The following TMCO6 variants were observed in gnomAD, a reference collection of about 807,000 sequenced individuals.
The protein encoded by TMCO6 is transmembrane and coiled-coil domain-containing protein 6.
In TMCO6, 47 loss-of-function variants were observed where a neutral mutation model predicts 61.8. The observed-to-expected ratio is 0.76, with a 90% CI of 0.60 to 0.97. TMCO6 has a LOEUF of 0.97. TMCO6 is among the 50% of genes least tolerant of loss of function. TMCO6 has a pLI of 0.00. For synonymous variants in TMCO6, 261 were observed against 254.2 expected (o/e 1.03, Z -0.25); for missense variants, 557 against 601.6 (o/e 0.93, Z 0.78).
At chr5:140,622,027 C>T in the TMCO6 span, among the ~76,000 whole-genome samples, 1 of 152,326 alleles carries the variant, frequency 6.6e-6, no homozygotes, top group African/African-American at 2.4e-5. Flanking sequence ...TGATCTCACC[C>T]TGCCTCCACT....
chr5:140,647,721 T>C (rs996387742), downstream of TMCO6: 3 of 1,320,912 alleles, frequency 2.3e-6, no homozygotes, highest in African/African-American at 1.5e-5. Flanking sequence ...TATAAAAGTA[T>C]TGTAGGACCG....
the TMCO6 span, among the ~76,000 whole-genome samples, chr5:140,612,513 G>A: frequency 6.6e-6 from 1 of 152,034 alleles, no homozygotes; most frequent in Non-Finnish European, 1.5e-5. Flanking sequence ...CTCATTTTTT[G>A]TATTGTTAGT....
chr5:140,644,309 T>C (rs562701560), intron 10 of TMCO6, 115 bp downstream of exon 10: 2 of 1,196,388 alleles, frequency 1.7e-6, no homozygotes, highest in East Asian at 4.7e-5. Context: ...GTGTGTGGCC[T>C]CAGGGCCCAA....
Position 140,642,363 on chromosome 5 carries a change from G to T in TMCO6, c.547G>T (p.Val183Leu). 6.2e-7 allele frequency: 1 copy of T among 1,613,910 alleles called. No homozygotes were observed. Among genetic ancestry groups the T allele is most frequent in the Non-Finnish European group, 8.5e-7 (1 of 1,179,904 alleles). The change falls in exon 5 of 12, where the codon GTG becomes TTG. Residue 183 changes from valine (V) to leucine (L), a missense_variant. Val to Leu is a conservative substitution (Grantham distance 32). Transcript: ENST00000394671. ...TAACCTGATCGTGGAGAGTGAGGCTGTGAGAAGGCAGCTCCTGCCACAGGG... is the reference window on the plus strand; with the variant it reads ...TAACCTGATCGTGGAGAGTGAGGCTTTGAGAAGGCAGCTCCTGCCACAGGG... Reference protein sequence around the residue: ...LGNLIVESEAVRRQLLPQGIV... With the variant: ...LGNLIVESEALRRQLLPQGIV...
At chr5:140,634,649 C>G (rs1250365438), upstream of TMCO6, among the ~76,000 whole-genome samples, 1 of 151,922 alleles carries the variant, frequency 6.6e-6, no homozygotes, top group African/African-American at 2.4e-5. Context: ...CCATGCCCGG[C>G]TAATTTTTGT....
chr5:140,647,149 G>T (rs2149802719), downstream of TMCO6: 1 of 1,214,268 alleles, frequency 8.2e-7, no homozygotes, highest in East Asian at 2.5e-5. Context: ...GCTAAAGTCC[G>T]AGTTCTAGTT....
the TMCO6 span, among the ~76,000 whole-genome samples, chr5:140,616,629 A>G: frequency 1.3e-5 from 2 of 152,252 alleles, no homozygotes; most frequent in Non-Finnish European, 2.9e-5. Flanking sequence ...CAATCAGCAG[A>G]GTAAAAACGC....
rs1208092372 is a variant in TMCO6 at position 140,641,674 on chromosome 5, T to G, written c.208T>G (p.Phe70Val). 9 of 1,613,836 alleles carry G rather than the reference T, an allele frequency of 5.6e-6. No homozygotes were observed. In the South Asian group the frequency reaches 9.9e-5, roughly 18 times the overall value. The change falls in exon 3 of 12, where the codon TTC (phenylalanine) becomes GTC (valine). Residue 70 changes from phenylalanine to valine, a missense_variant. Transcript: ENST00000394671. ...AILGETEVQQ[F>V]LRQAQRGTEE... Reference sequence around the variant, plus strand: ...CTGCCCTGAACTCCAGGTGCAGCAGTTCCTGCGGCAAGCCCAGCGGGGGAC... The same window carrying G: ...CTGCCCTGAACTCCAGGTGCAGCAGGTCCTGCGGCAAGCCCAGCGGGGGAC...
chr5:140,644,723 TTCC>T lies in TMCO6; in HGVS notation c.1353_1355del (p.Phe451del). On this transcript the variant is annotated inframe_deletion, in exon 11 of 12. Coordinates refer to ENST00000394671, the MANE Select transcript of TMCO6 (RefSeq NM_018502.5). ...GAGTTTGGAGCTGCTGCATCTGCTG[TTCC>T]TGTATCAGCCAGAGGTATAGGTTTC... 1.2e-6 allele frequency: 2 copies of T among 1,614,208 alleles called. No individual in the cohort carries two copies. Among genetic ancestry groups the T allele is most frequent in the Non-Finnish European group, 1.7e-6 (2 of 1,180,038 alleles).
the TMCO6 span, among the ~76,000 whole-genome samples, chr5:140,630,244 A>T: frequency 6.6e-6 from 1 of 151,932 alleles, no homozygotes; most frequent in African/African-American, 2.4e-5. Context: ...CGCCCACCTC[A>T]GCCTCCCAAA....
At chr5:140,639,259 A>C, upstream of TMCO6, 2 of 416,624 alleles carry the variant, frequency 4.8e-6, no homozygotes, top group East Asian at 5.0e-5. Context: ...TTTTTTTCCT[A>C]GAATTGGTAA....
rs777323622 is a variant in TMCO6, at chr5:140,639,779, G to A, written c.126G>A (p.Lys42=). 3 of 1,608,126 alleles carry A rather than the reference G, an allele frequency of 1.9e-6. No homozygotes were observed. The highest frequency in any genetic ancestry group is 2.5e-6 in the Non-Finnish European group (3 of 1,177,922). Residue 42 remains lysine, a synonymous_variant, in exon 2 of 12, where the codon AAG becomes AAA. Transcript: ENST00000394671. ...KARREQQLVS[K]RLLRNDAPEE... ...GGAGGGAGCAGCAGCTGGTCAGCAA[G>A]AGGCTGCTGAGAAACGACGCCCCAG...
At chr5:140,647,178 C>T (rs1022812709), downstream of TMCO6, 8 of 1,440,156 alleles carry the variant, frequency 5.6e-6, no homozygotes, top group Middle Eastern at 1.9e-4. Context: ...GGTTTCTGCA[C>T]GACCTTGGGC....
chr5:140,646,102 C>T (rs1757383084), downstream of TMCO6, among the ~76,000 whole-genome samples: 1 of 151,584 alleles, frequency 6.6e-6, no homozygotes, highest in Admixed American at 6.6e-5. Context: ...CCTCCACCTC[C>T]TGGGTTCAAG....
At chr5:140,628,227 A>G in the TMCO6 span, among the ~76,000 whole-genome samples, 1 of 151,782 alleles carries the variant, frequency 6.6e-6, no homozygotes, top group Non-Finnish European at 1.5e-5. Flanking sequence ...TACACAGACC[A>G]TCTATGACAT....
upstream of TMCO6, among the ~76,000 whole-genome samples, chr5:140,634,720 G>A (rs545768292): frequency 4.6e-5 from 7 of 151,866 alleles, no homozygotes; most frequent in South Asian, 8.3e-4. Flanking sequence ...CAGGTGATCC[G>A]CCCGCCTTGG....
chr5:140,603,659 G>A, the TMCO6 span, among the ~76,000 whole-genome samples: 1 of 140,858 alleles, frequency 7.1e-6, no homozygotes, highest in Admixed American at 7.4e-5. Flanking sequence ...CCAAGTTGTG[G>A]CATGTATCAA....
At chr5:140,639,955 T>G (rs1756917929) in intron 2 of TMCO6, 104 bp downstream of exon 2, 3 of 927,878 alleles carry the variant, frequency 3.2e-6, no homozygotes, top group Non-Finnish European at 5.1e-6. Context: ...CACTCTACAC[T>G]TCCACGCATC....
At chr5:140,609,724 G>A in the TMCO6 span, among the ~76,000 whole-genome samples, 2 of 151,578 alleles carry the variant, frequency 1.3e-5, no homozygotes, top group Admixed American at 6.6e-5. Context: ...AGATCTATGA[G>A]CATGGGATAT....
Sources: allele counts gnomAD v4.1 joint callset (sites outside exome capture counted in the v4.1 genomes callset), GRCh38; gene constraint gnomAD v4.1.1; transcripts MANE v1.5; gene names NCBI Gene and HGNC (gene_info 2026-07-23, HGNC 2026-07-21).